Variants in NCAPH observed in about 807,000 individuals in gnomAD.
NCAPH encodes the protein non-SMC condensin I complex subunit H.
A neutral mutation model predicts 85.5 loss-of-function variants in NCAPH; 38 were observed. The ratio of observed to expected loss-of-function variants is 0.44; its 90% CI spans 0.34 to 0.58. The LOEUF is 0.58. Among genes scored for constraint, NCAPH ranks in the 20% least tolerant of loss-of-function variants. NCAPH has a pLI of 0.01. For synonymous variants in NCAPH, 301 were observed against 335.1 expected (o/e 0.90, Z 1.11); for missense variants, 789 against 916.6 (o/e 0.86, Z 1.80).
rs1399764487 is a variant in NCAPH at position 96,351,938 on chromosome 2, T to G, written c.828T>G (p.Phe276Leu). 1.9e-6 allele frequency: 3 copies of G among 1,614,152 alleles called. No individual in the cohort carries two copies. Among genetic ancestry groups the G allele is most frequent in the Non-Finnish European group, 2.5e-6 (3 of 1,179,974 alleles). Residue 276 changes from phenylalanine (F) to leucine (L), a missense_variant, in exon 7 of 18, where the codon TTT becomes TTG. Physicochemically the swap from Phe to Leu is conservative, Grantham distance 22. Transcript: ENST00000240423. ...AGGACTACAGAAGTGAACTGCTGTT[T>G]CCCTCTGATGTCCAGACTCTCTCCA... ...HCQDYRSELL[F>L]PSDVQTLSTG...
chr2:96,351,202 T>G (rs981005988), intron 6 of NCAPH, among the ~76,000 whole-genome samples: 1 of 152,192 alleles, frequency 6.6e-6, no homozygotes, highest in Admixed American at 6.5e-5. Flanking sequence ...TGGCATTTGT[T>G]AGTGACTTAT....
At chr2:96,357,420 G>A (rs957249175) in intron 9 of NCAPH, among the ~76,000 whole-genome samples, 2 of 152,196 alleles carry the variant, frequency 1.3e-5, no homozygotes, top group Admixed American at 6.5e-5. Context: ...CTGCGACATA[G>A]CATTGTATGT....
chr2:96,357,876 G>C (rs563892108), intron 9 of NCAPH, among the ~76,000 whole-genome samples: 14 of 152,156 alleles, frequency 9.2e-5, no homozygotes, highest in Non-Finnish European at 2.1e-4. Flanking sequence ...CCACTCTTCT[G>C]AAACTTCTTG....
chr2:96,375,200 C>T lies in NCAPH; in HGVS notation c.*1849C>T, dbSNP rs2064819135. 6.6e-6 allele frequency among the ~76,000 whole-genome samples: 1 copy of T among 151,684 alleles called. No homozygotes were observed. Among genetic ancestry groups the T allele is most frequent in the South Asian group, 2.1e-4 (1 of 4,806 alleles). On this transcript the variant is annotated 3_prime_UTR_variant, in exon 18 of 18. Transcript: ENST00000240423. Reference sequence around the variant, plus strand: ...TCCAGCCAGGACAACAGAGTGAGATCCTATCTCTTAAACAAAAAAAAAAAC... The same window carrying T: ...TCCAGCCAGGACAACAGAGTGAGATTCTATCTCTTAAACAAAAAAAAAAAC...
At position 96,342,837 on chromosome 2, in the gene NCAPH, A is replaced by G; in HGVS notation, c.445A>G (p.Thr149Ala). The change falls in exon 4 of 18, where the codon ACC becomes GCC. Residue 149 changes from threonine to alanine, a missense_variant. By Grantham distance (58) the Thr-to-Ala change is moderately conservative. Transcript: ENST00000240423. ...TCTTAAACAGAAAGACACCGAACCA[A>G]CCAACTTTAAAGTAAGAAGGATGTC... ...EILKQKDTEP[T>A]NFKVAAGTLD... 1.9e-6 allele frequency: 3 copies of G among 1,611,126 alleles called. No individual in the cohort carries two copies. Among genetic ancestry groups the G allele is most frequent in the Non-Finnish European group, 1.7e-6 (2 of 1,177,978 alleles).
intron 14 of NCAPH, among the ~76,000 whole-genome samples, chr2:96,366,827 A>G (rs2064706048): frequency 6.9e-6 from 1 of 145,980 alleles, no homozygotes; most frequent in Non-Finnish European, 1.5e-5. Flanking sequence ...CAGTAAGCTG[A>G]GATCATGCTA....
At position 96,367,404 on chromosome 2, in the gene NCAPH, C is replaced by T. The variant is rs779845999; in HGVS notation, c.1998+31C>T. On this transcript the variant is annotated intron_variant, in intron 15 of 17. Coordinates refer to ENST00000240423, the MANE Select transcript of NCAPH (RefSeq NM_015341.5). ...ATGCTCTTGCCTGTTCTCTAGGTGC[C>T]CAGCATGCGGGAGGGGAGTGGTTGA... 6 of 1,531,006 alleles carry T rather than the reference C, an allele frequency of 3.9e-6. No homozygotes were observed. In the Admixed American group the frequency reaches 5.0e-5, roughly 13 times the overall value. 94.8% of individuals were successfully genotyped at this position (1,531,006 alleles called of 1,614,324 possible).
chr2:96,338,099 G>A (rs952831842), intron 1 of NCAPH, among the ~76,000 whole-genome samples: 5 of 151,770 alleles, frequency 3.3e-5, no homozygotes, highest in Non-Finnish European at 7.4e-5. Flanking sequence ...GCTAATTTTT[G>A]TATTTTTAGT....
chr2:96,348,171 T>C (rs996969846), intron 6 of NCAPH, among the ~76,000 whole-genome samples: 3 of 151,862 alleles, frequency 2.0e-5, no homozygotes, highest in African/African-American at 4.8e-5. Flanking sequence ...AGTGAATCCA[T>C]TTATGCCAAG....
intron 14 of NCAPH, among the ~76,000 whole-genome samples, chr2:96,366,500 A>G (rs2064701215): frequency 6.6e-6 from 1 of 152,170 alleles, no homozygotes; most frequent in Non-Finnish European, 1.5e-5. Context: ...TCTCTTTTAC[A>G]CTGGAATTCC....
intron 1 of NCAPH, among the ~76,000 whole-genome samples, chr2:96,336,085 G>C (rs1244181289): frequency 6.6e-6 from 1 of 152,066 alleles, no homozygotes; most frequent in Non-Finnish European, 1.5e-5. Context: ...GAGAGCGCGC[G>C]GGCCCTGCCT....
intron 6 of NCAPH, among the ~76,000 whole-genome samples, chr2:96,348,609 G>GT (rs1271649419): frequency 1.3e-5 from 2 of 151,756 alleles, no homozygotes; most frequent in African/African-American, 2.4e-5. Context: ...AATTCTCCTT[G>GT]TTTTTTCCCC....
At position 96,366,018 on chromosome 2, in the gene NCAPH, C is replaced by T. The variant is rs140095870; in HGVS notation, c.1841C>T (p.Thr614Ile). ...DTPEAQGLDI[T>I]TYGESNLVAE... is the part of the protein sequence containing the mutation. ...CCAGAAGCCCAAGGATTAGACATCACAACATATGGGGAGTCAAACTTGGTA... is the reference window on the plus strand; with the variant it reads ...CCAGAAGCCCAAGGATTAGACATCATAACATATGGGGAGTCAAACTTGGTA... The change falls in exon 14 of 18, where the codon ACA (threonine) becomes ATA (isoleucine). Residue 614 changes from threonine to isoleucine, a missense_variant. Physicochemically the swap from Thr to Ile is moderately conservative, Grantham distance 89. Transcript: ENST00000240423. 1.2e-6 allele frequency: 2 copies of T among 1,614,198 alleles called. No homozygotes were observed. Among genetic ancestry groups the T allele is most frequent in the Non-Finnish European group, 8.5e-7 (1 of 1,180,040 alleles).
At chr2:96,338,835 G>C (rs894597439) in intron 1 of NCAPH, among the ~76,000 whole-genome samples, 5 of 152,180 alleles carry the variant, frequency 3.3e-5, no homozygotes, top group African/African-American at 4.8e-5. Flanking sequence ...TTTTGAGACG[G>C]AGTCTCACTT....
chr2:96,364,401 A>T, intron 12 of NCAPH, 80 bp from the exon 13 acceptor site: 1 of 871,986 alleles, frequency 1.1e-6, no homozygotes, highest in Admixed American at 2.5e-5. Context: ...GAGATTGGGC[A>T]TAGGAATTAA....
rs1573064012 is a variant in NCAPH at position 96,341,779 on chromosome 2, G to A, written c.157G>A (p.Glu53Lys). The change falls in exon 2 of 18, where the codon GAA becomes AAA. Residue 53 changes from glutamate (E) to lysine (K), a missense_variant. Physicochemically the swap from Glu to Lys is moderately conservative, Grantham distance 56 (BLOSUM62 1). Transcript: ENST00000240423. ...PLNIPGTPVLEDFPQNDDEKE... is the reference protein window; with the variant it reads ...PLNIPGTPVLKDFPQNDDEKE... ...CAATATTCCTGGCACCCCAGTCCTC[G>A]AAGACTTTCCTCAGAATGACGATGA... 6.2e-7 allele frequency: 1 copy of A among 1,614,106 alleles called. No homozygotes were observed.
chr2:96,360,521 T>TA (rs1340405300), intron 11 of NCAPH, 67 bp from the exon 12 acceptor site: 8 of 1,582,720 alleles, frequency 5.1e-6, no homozygotes, highest in Non-Finnish European at 6.1e-6. Flanking sequence ...CAGACTGCTT[T>TA]AAAAAAAGTA....
chr2:96,344,319 GTGCCTGTT>G, intron 6 of NCAPH, 90 bp downstream of exon 6: 1 of 1,457,508 alleles, frequency 6.9e-7, no homozygotes, highest in Non-Finnish European at 9.1e-7. Context: ...TTGCTGGTAT[GTGCCTGTT>G]TAAGCCTCAA....
At chr2:96,342,476 T>C (rs905332078) in intron 3 of NCAPH, among the ~76,000 whole-genome samples, 2 of 152,222 alleles carry the variant, frequency 1.3e-5, no homozygotes, top group African/African-American at 4.8e-5. Context: ...AGTGCCTGCC[T>C]CATGAAGTTG....
Sources: allele counts gnomAD v4.1 joint callset (sites outside exome capture counted in the v4.1 genomes callset), GRCh38; gene constraint gnomAD v4.1.1; transcripts MANE v1.5; gene names NCBI Gene and HGNC (gene_info 2026-07-23, HGNC 2026-07-21).